Variants in CAGE1 observed in about 807,000 individuals in gnomAD.
CAGE1 encodes the protein cancer antigen 1.
CAGE1 carries 66 observed loss-of-function variants against 94.9 expected under a neutral mutation model. That is an observed-to-expected ratio of 0.70 (90% CI 0.57 to 0.85). The LOEUF is 0.85. CAGE1 is among the 40% of genes least tolerant of loss of function. CAGE1 has a pLI of 0.00. For missense variants in CAGE1, 865 were observed against 950.4 expected, an observed-to-expected ratio of 0.91 and a Z score of 1.18; for synonymous variants, 319 against 321.0, an observed-to-expected ratio of 0.99 and a Z score of 0.07.
chr6:7,326,815 G>C lies in CAGE1; in HGVS notation c.*43C>G, dbSNP rs766642677. On this transcript the variant is annotated 3_prime_UTR_variant, in exon 14 of 14. Transcript: ENST00000502583. ...GCATATGTAGTAATGACTCTTCCTG[G>C]AGTGGTTGACAAAAATGATTACTGT... The C allele has an allele frequency of 1.5e-6, 2 of 1,348,082 alleles. No individual in the cohort carries two copies. The highest frequency in any genetic ancestry group is 1.7e-5 in the Admixed American group (1 of 59,392). 83.5% of individuals were successfully genotyped at this position (1,348,082 alleles called of 1,614,324 possible). A position where few individuals can be genotyped will look rare whatever the true frequency, so the allele number is the denominator to read the frequency against.
chr6:7,383,009 C>T (rs1303851980), intron 3 of CAGE1, among the ~76,000 whole-genome samples: 1 of 152,176 alleles, frequency 6.6e-6, no homozygotes, highest in Non-Finnish European at 1.5e-5. Context: ...ATTGTAATCC[C>T]CACGTATTGA....
At chr6:7,345,416 T>G (rs1237247107) in intron 11 of CAGE1, among the ~76,000 whole-genome samples, 1 of 152,178 alleles carries the variant, frequency 6.6e-6, no homozygotes, top group Non-Finnish European at 1.5e-5. Flanking sequence ...GCTGTAACCC[T>G]CACTGCAGGG....
At chr6:7,338,749 C>CTTTTTTTTTTTT in intron 11 of CAGE1, 2 of 623,592 alleles carry the variant, frequency 3.2e-6, no homozygotes, top group African/African-American at 1.9e-5. Context: ...CTGTATCATT[C>CTTTTTTTTTTTT]TTTTTTTTTT....
intron 11 of CAGE1, among the ~76,000 whole-genome samples, chr6:7,337,835 G>A (rs1436105988): frequency 6.6e-6 from 1 of 152,092 alleles, no homozygotes; most frequent in Non-Finnish European, 1.5e-5. Context: ...GCTATTCTAT[G>A]CCTTTTGAAT....
chr6:7,374,279 T>C (rs1754907671), intron 4 of CAGE1, 148 bp from the exon 5 acceptor site: 2 of 643,062 alleles, frequency 3.1e-6, no homozygotes, highest in African/African-American at 3.6e-5. Flanking sequence ...CTTCCAATAA[T>C]AATGCCTATT....
intron 3 of CAGE1, among the ~76,000 whole-genome samples, chr6:7,379,740 A>G (rs145169910): frequency 0.01 from 1,543 of 152,236 alleles, 22 homozygotes; most frequent in African/African-American, 0.035. Flanking sequence ...TTTACTACTG[A>G]TTTATGTATC....
intron 11 of CAGE1, among the ~76,000 whole-genome samples, chr6:7,349,417 A>G (rs1213345962): frequency 6.6e-6 from 1 of 152,174 alleles, no homozygotes; most frequent in Non-Finnish European, 1.5e-5. Flanking sequence ...GGAGCTCTAA[A>G]TCTTGAAACA....
chr6:7,345,036 C>CT (rs1395068417), intron 11 of CAGE1, among the ~76,000 whole-genome samples: 1 of 152,152 alleles, frequency 6.6e-6, no homozygotes, highest in African/African-American at 2.4e-5. Flanking sequence ...CCAGGGTGCC[C>CT]AAGCCAGCAG....
chr6:7,338,340 A>C (rs1014418251), intron 11 of CAGE1, among the ~76,000 whole-genome samples: 5 of 152,194 alleles, frequency 3.3e-5, no homozygotes, highest in Non-Finnish European at 7.3e-5. Context: ...ATGAGAAAGC[A>C]TTTAGTCTAT....
chr6:7,388,679 A>G (rs373615580), intron 1 of CAGE1, among the ~76,000 whole-genome samples: 6 of 152,200 alleles, frequency 3.9e-5, no homozygotes, highest in Non-Finnish European at 7.3e-5. Context: ...GAATTTCTGA[A>G]TGAATAGTTT....
intron 9 of CAGE1, among the ~76,000 whole-genome samples, chr6:7,360,496 A>C (rs1240295761): frequency 1.3e-5 from 2 of 152,234 alleles, no homozygotes; most frequent in African/African-American, 4.8e-5. Context: ...ACTTAGAGGG[A>C]AAGTATGTCA....
Position 7,339,336 on chromosome 6 carries a change from C to T in CAGE1, c.2370-5246G>A, listed in dbSNP as rs1344452573. 3.1e-6 allele frequency: 5 copies of T among 1,605,736 alleles called. No homozygotes were observed. Among genetic ancestry groups the T allele is most frequent in the Non-Finnish European group, 4.3e-6 (5 of 1,173,036 alleles). ...AAGCTCTACACTGCCCTCTGGAGAG[C>T]CAAACCTCTTCTGAACTACAGCAGT... On this transcript the variant is annotated intron_variant, in intron 11 of 13. Transcript: ENST00000502583. The surrounding 1 kb of genome is among the most constrained non-coding windows in gnomAD (Gnocchi z 4.7).
chr6:7,384,727 T>G (rs946425378), intron 3 of CAGE1, among the ~76,000 whole-genome samples: 1 of 152,222 alleles, frequency 6.6e-6, no homozygotes, highest in East Asian at 1.9e-4. Flanking sequence ...CTCTTTTTTT[T>G]TTTTGAGACA....
rs1374917092 is a variant in CAGE1 at position 7,386,971 on chromosome 6, A to G, written c.195+8T>C. 1 of 1,538,664 alleles carries G rather than the reference A, an allele frequency of 6.5e-7. No individual in the cohort carries two copies. On this transcript the variant is annotated splice_region_variant and intron_variant, in intron 2 of 13. Coordinates refer to ENST00000502583, the MANE Select transcript of CAGE1 (RefSeq NM_001170692.2). ...CTGAGCCTCCTGGAACTTATAAGCA[A>G]TGCACACCTGAGGCAAGTCACAAGT... is the stretch of plus-strand genomic sequence containing the variant.
At chr6:7,363,470 A>G (rs1210365931) in intron 9 of CAGE1, among the ~76,000 whole-genome samples, 2 of 152,164 alleles carry the variant, frequency 1.3e-5, no homozygotes, top group African/African-American at 4.8e-5. Flanking sequence ...TTTGTCCTCT[A>G]AGTCTCTAGC....
chr6:7,384,472 A>G (rs997879828), intron 3 of CAGE1, among the ~76,000 whole-genome samples: 2 of 152,184 alleles, frequency 1.3e-5, no homozygotes, highest in Admixed American at 1.3e-4. Context: ...TTTAATAAAC[A>G]TGATCAGTGT....
chr6:7,358,030 A>ATATATATATGTATG (rs1554138215), intron 9 of CAGE1, among the ~76,000 whole-genome samples: 2 of 15,772 alleles, frequency 1.3e-4, no homozygotes, highest in Non-Finnish European at 2.6e-4. Flanking sequence ...GTTTTGAGAT[A>ATATATATATGTATG]TATATATATA....
At position 7,374,150 on chromosome 6, in the gene CAGE1, AAAGT is replaced by A; in HGVS notation, c.688-23_688-20del. ...CTGCAGTCTGTAAATTATAGTAAAC[AAAGT>A]AAGTGTGAACGAGTAGAAAGATAAT... On this transcript the variant is annotated intron_variant, in intron 4 of 13. Coordinates refer to ENST00000502583, the MANE Select transcript of CAGE1 (RefSeq NM_001170692.2). 4 of 1,582,048 alleles carry A rather than the reference AAAGT, an allele frequency of 2.5e-6. No individual in the cohort carries two copies. The highest frequency in any genetic ancestry group is 2.6e-6 in the Non-Finnish European group (3 of 1,159,236).
intron 11 of CAGE1, among the ~76,000 whole-genome samples, chr6:7,338,589 A>G (rs558246571): frequency 1.3e-5 from 2 of 152,160 alleles, no homozygotes; most frequent in South Asian, 2.1e-4. Flanking sequence ...CTTTTTTGCT[A>G]TATAAGGTAA....
Sources: gnomAD v4.1 joint callset for allele counts (sites outside exome capture counted in the v4.1 genomes callset) on GRCh38, gnomAD v4.1.1 for gene constraint, Gnocchi (gnomAD v3.1) non-coding constraint, MANE v1.5 for transcripts, NCBI Gene and HGNC (gene_info 2026-07-23, HGNC 2026-07-21) for gene names.